Variants in ZFAT observed in about 807,000 individuals in gnomAD.
ZFAT encodes zinc finger and AT-hook domain containing.
ZFAT carries 64 observed loss-of-function variants against 117.7 expected under a neutral mutation model. The ratio of observed to expected loss-of-function variants is 0.54; its 90% CI spans 0.44 to 0.67. ZFAT has a LOEUF of 0.67. ZFAT is among the 30% of genes least tolerant of loss of function. The pLI is 0.00. For synonymous variants in ZFAT, 679 were observed against 615.0 expected (o/e 1.10, Z -1.54); for missense variants, 1,433 against 1,584.5 (o/e 0.90, Z 1.62).
chr8:134,815,196 A>T, the ZFAT span, among the ~76,000 whole-genome samples: 1 of 152,346 alleles, frequency 6.6e-6, no homozygotes, highest in Middle Eastern at 3.4e-3. Context: ...ATGCTAGTCA[A>T]TTGCCACATG....
rs756104245 is a variant in ZFAT at position 134,698,168 on chromosome 8, C to A, written c.19+14677G>T. On this transcript the variant is annotated intron_variant, in intron 1 of 15. Coordinates refer to ENST00000377838, the MANE Select transcript of ZFAT (RefSeq NM_020863.4). Reference sequence around the variant, plus strand: ...CAAAACCCCGTCTCTATTAAACATACAAAAAAAATTAGCTGTGCGTGGTGG... The same window carrying A: ...CAAAACCCCGTCTCTATTAAACATAAAAAAAAAATTAGCTGTGCGTGGTGG... Among the ~76,000 whole-genome samples, 8 of 151,414 alleles carry A rather than the reference C, an allele frequency of 5.3e-5. No individual in the cohort carries two copies. The South Asian group carries it at 6.3e-4, about 12-fold the overall frequency.
At chr8:134,788,525 A>C in the ZFAT span, among the ~76,000 whole-genome samples, 2 of 152,124 alleles carry the variant, frequency 1.3e-5, no homozygotes, top group Non-Finnish European at 1.5e-5. Flanking sequence ...TATGACTCAA[A>C]ATAGGGTAAA....
intron 10 of ZFAT, 54 bp from the exon 11 acceptor site, chr8:134,565,475 T>C (rs756933789): frequency 2.0e-5 from 31 of 1,528,130 alleles, no homozygotes; most frequent in Non-Finnish European, 2.8e-5. Context: ...GCTCCCACTG[T>C]GAATGAAGTG....
At chr8:134,728,734 G>T in the ZFAT span, among the ~76,000 whole-genome samples, 1 of 152,212 alleles carries the variant, frequency 6.6e-6, no homozygotes, top group Non-Finnish European at 1.5e-5. Flanking sequence ...TTGCATTTCT[G>T]AGCAAGGCTT....
chr8:134,602,178 T>C lies in ZFAT; in HGVS notation c.1541A>G (p.Asp514Gly), dbSNP rs761347408. The C allele has an allele frequency of 6.2e-7, 1 of 1,613,210 alleles. No homozygotes were observed. The highest frequency in any genetic ancestry group is 8.5e-7 in the Non-Finnish European group (1 of 1,179,982). ...CTCCTCTTCCACCAGCTGTAGCTGG[T>C]CCCCCAGAGCTTCTTGCTGGATGTC... ...GGDIQQEALG[D>G]QLQLVEEEFA... Residue 514 changes from aspartate (D) to glycine (G), a missense_variant, in exon 6 of 16, where the codon GAC becomes GGC. Physicochemically the swap from Asp to Gly is moderately conservative, Grantham distance 94. Around this residue, in one of 5 missense-constraint regions of ZFAT, gnomAD observed 372 missense variants for 355.6 expected, o/e 1.05. Transcript: ENST00000377838.
At chr8:134,706,897 G>T (rs1005700719) in intron 1 of ZFAT, among the ~76,000 whole-genome samples, 1 of 149,654 alleles carries the variant, frequency 6.7e-6, no homozygotes, top group African/African-American at 2.5e-5. Flanking sequence ...AAAAAAGAAA[G>T]AAAGAAAAAA....
chr8:134,691,152 C>T (rs1833565423), intron 1 of ZFAT, among the ~76,000 whole-genome samples: 1 of 152,254 alleles, frequency 6.6e-6, no homozygotes. Flanking sequence ...CCTGTGTTTA[C>T]ATCACTGGGA....
At chr8:134,610,081 C>T (rs922059013) in intron 4 of ZFAT, among the ~76,000 whole-genome samples, 15 of 152,158 alleles carry the variant, frequency 9.9e-5, no homozygotes, top group African/African-American at 3.1e-4. Flanking sequence ...AGCCTGCATG[C>T]GTCTGGCTGA....
intron 1 of ZFAT, chr8:134,696,625 G>A (rs1833856411): frequency 1.0e-6 from 1 of 985,764 alleles, no homozygotes; most frequent in Non-Finnish European, 1.2e-6. Context: ...CTCCAATACA[G>A]CCACAGCCCT....
the ZFAT span, among the ~76,000 whole-genome samples, chr8:134,759,738 G>T: frequency 2.6e-5 from 4 of 152,152 alleles, no homozygotes; most frequent in African/African-American, 9.6e-5. Context: ...AAATTTGGGC[G>T]GCTGAGGCAA....
At chr8:134,652,242 G>C (rs887038196) in intron 2 of ZFAT, among the ~76,000 whole-genome samples, 3 of 152,208 alleles carry the variant, frequency 2.0e-5, no homozygotes, top group Admixed American at 6.5e-5. Context: ...ACTCCAGCCT[G>C]GGCAAATGAG....
At chr8:134,689,967 T>C (rs1000995369) in intron 1 of ZFAT, among the ~76,000 whole-genome samples, 17 of 152,264 alleles carry the variant, frequency 1.1e-4, no homozygotes, top group Non-Finnish European at 2.5e-4. Flanking sequence ...TTAATGATGT[T>C]TTCTTTAACC....
chr8:134,726,461 C>T, the ZFAT span, among the ~76,000 whole-genome samples: 2 of 152,170 alleles, frequency 1.3e-5, no homozygotes, highest in Non-Finnish European at 2.9e-5. Context: ...GTCGAGTGTT[C>T]CTAGAAGAAG....
At chr8:134,809,710 TG>T in the ZFAT span, among the ~76,000 whole-genome samples, 2 of 152,218 alleles carry the variant, frequency 1.3e-5, no homozygotes, top group African/African-American at 4.8e-5. Context: ...GTCGGTAAAC[TG>T]TCTGCATAGG....
At chr8:134,614,629 G>A (rs1165518750) in intron 3 of ZFAT, among the ~76,000 whole-genome samples, 2 of 152,200 alleles carry the variant, frequency 1.3e-5, no homozygotes, top group African/African-American at 4.8e-5. Flanking sequence ...TAGGCCTCCA[G>A]AGGGCTAGAG....
chr8:134,700,526 C>T (rs1586970669), intron 1 of ZFAT, among the ~76,000 whole-genome samples: 1 of 152,344 alleles, frequency 6.6e-6, no homozygotes, highest in East Asian at 1.9e-4. Flanking sequence ...CACTCCCCTC[C>T]CTCCACCCCA....
chr8:134,825,797 G>C, the ZFAT span, among the ~76,000 whole-genome samples: 4 of 152,170 alleles, frequency 2.6e-5, no homozygotes, highest in South Asian at 6.2e-4. Flanking sequence ...GAGGCGGGCG[G>C]ATCACGAGGT....
At chr8:134,628,912 T>C (rs1016032510) in intron 3 of ZFAT, among the ~76,000 whole-genome samples, 17 of 152,220 alleles carry the variant, frequency 1.1e-4, no homozygotes, top group East Asian at 1.9e-4. Context: ...CAGATGCTTA[T>C]TGAATTTTAA....
the ZFAT span, among the ~76,000 whole-genome samples, chr8:134,802,289 A>G: frequency 6.6e-6 from 1 of 152,232 alleles, no homozygotes; most frequent in African/African-American, 2.4e-5. Flanking sequence ...ACTAAAAAAA[A>G]GAAACAAAAA....
Sources: gnomAD v4.1 joint callset for allele counts (sites outside exome capture counted in the v4.1 genomes callset) on GRCh38, gnomAD v4.1.1 for gene constraint, gnomAD v4.1.1 regional missense constraint, MANE v1.5 for transcripts, NCBI Gene and HGNC (gene_info 2026-07-23, HGNC 2026-07-21) for gene names.